SLC6A9: variants seen among roughly 807,000 people sequenced by gnomAD.
The protein encoded by SLC6A9 is solute carrier family 6 member 9.
In SLC6A9, 31 loss-of-function variants were observed where a neutral mutation model predicts 70.9. The ratio of observed to expected loss-of-function variants is 0.44; its 90% confidence interval spans 0.33 to 0.59. SLC6A9 has a LOEUF of 0.59. SLC6A9 is among the 20% of genes least tolerant of loss of function. SLC6A9 has a pLI of 0.04. For synonymous variants in SLC6A9, 310 were observed against 341.3 expected, an observed-to-expected ratio of 0.91 and a Z score of 1.01; for missense variants, 631 against 845.2, an observed-to-expected ratio of 0.75 and a Z score of 3.14.
chr1:44,024,812 T>A (rs1267230556), intron 1 of SLC6A9, among the ~76,000 whole-genome samples: 1 of 152,178 alleles, frequency 6.6e-6, no homozygotes, highest in Non-Finnish European at 1.5e-5. Flanking sequence ...CCAGGGCAGC[T>A]GGGTTTGTTG....
At position 44,002,184 on chromosome 1, in the gene SLC6A9, C is replaced by G. The variant is rs2086136707; in HGVS notation, c.962+129G>C. 1.5e-6 allele frequency: 1 copy of G among 680,896 alleles called. No individual in the cohort carries two copies. The highest frequency in any genetic ancestry group is 2.3e-5 in the Admixed American group (1 of 43,632). The allele number at this position is 680,896 out of a possible 1,614,324, so 42.2% of individuals were successfully genotyped here. A position where few individuals can be genotyped will look rare whatever the true frequency, so the allele number is the denominator to read the frequency against. On this transcript the variant is annotated intron_variant, in intron 8 of 13. Transcript: ENST00000372310. The surrounding 1 kb of genome is among the most constrained non-coding windows in gnomAD (Gnocchi z 5.5). ...ATTCTCCAACAACTTTATCCAGAACCAGTATTCCCAGAACCTCAAGATCAT... is the reference window on the plus strand; with the variant it reads ...ATTCTCCAACAACTTTATCCAGAACGAGTATTCCCAGAACCTCAAGATCAT...
chr1:44,030,395 G>T (rs1472702019), intron 1 of SLC6A9: 2 of 151,218 alleles, frequency 1.3e-5, no homozygotes, highest in African/African-American at 2.4e-5. Flanking sequence ...GGCCCCTCCC[G>T]GCCCTCCGGG....
intron 1 of SLC6A9, among the ~76,000 whole-genome samples, chr1:44,029,951 T>C (rs1433047871): frequency 6.6e-6 from 1 of 152,192 alleles, no homozygotes; most frequent in Non-Finnish European, 1.5e-5. Context: ...CAGCCTTTAT[T>C]TCCCAACGGC....
intron 2 of SLC6A9, 142 bp downstream of exon 2, chr1:44,024,106 A>T: frequency 1.2e-6 from 1 of 824,794 alleles, no homozygotes; most frequent in Non-Finnish European, 2.1e-6. Flanking sequence ...ATGAGGGGCT[A>T]CCTGCCCAGG....
In SLC6A9 at chr1:44,010,445, A is replaced by G. The variant is rs1040289336; in HGVS notation, c.187+281T>C. The stretch of plus-strand genomic sequence containing the variant: ...CTGAACCCCAGGGAATAGAACAGGG[A>G]GCCTTGTGGGCGGGGGGGGGGGGGG... On this transcript the variant is annotated intron_variant, in intron 3 of 13. Transcript: ENST00000372310. 98 of 204,794 alleles carry G rather than the reference A, an allele frequency of 4.8e-4. No homozygotes were observed. In the African/African-American group the frequency reaches 5.1e-3, roughly 11 times the overall value. The allele number at this position is 204,794 out of a possible 1,614,324, so 12.7% of individuals were successfully genotyped here. A position where few individuals can be genotyped will look rare whatever the true frequency, so the allele number is the denominator to read the frequency against.
chr1:44,010,982 C>T, intron 2 of SLC6A9, 100 bp from the exon 3 acceptor site: 3 of 1,281,390 alleles, frequency 2.3e-6, no homozygotes, highest in Non-Finnish European at 2.2e-6. Context: ...CCCTCCAACA[C>T]CCCTCCCCGG....
Position 43,996,779 on chromosome 1 carries a change from G to A in SLC6A9, c.*766C>T, listed in dbSNP as rs1006997897. On this transcript the variant is annotated 3_prime_UTR_variant, in exon 14 of 14. Transcript: ENST00000372310. ...AGCCTCATGGAGGGAGGGCAAGGGG[G>A]TGTCGTGCAGGGTCCCCTTCCCCAG... The A allele has an allele frequency of 6.5e-6, 1 of 153,020 alleles. No homozygotes were observed. 9.5% of individuals were successfully genotyped at this position (153,020 alleles called of 1,614,324 possible).
At chr1:44,008,707 TTTC>T in intron 4 of SLC6A9, 84 bp from the exon 5 acceptor site, 2 of 1,137,378 alleles carry the variant, frequency 1.8e-6, no homozygotes, top group Non-Finnish European at 1.2e-6. Context: ...TTTCTTTTCT[TTTC>T]TTTTTTTTTT....
intron 1 of SLC6A9, among the ~76,000 whole-genome samples, chr1:44,030,717 C>T (rs1465228008): frequency 6.6e-6 from 1 of 152,048 alleles, no homozygotes; most frequent in Admixed American, 6.5e-5. Context: ...TCCCGGGTCC[C>T]GCGGGCGCAC....
chr1:44,020,434 C>T (rs1313635677), intron 2 of SLC6A9, among the ~76,000 whole-genome samples: 1 of 152,208 alleles, frequency 6.6e-6, no homozygotes, highest in Admixed American at 6.5e-5. Context: ...CCAATGTGCG[C>T]CCAGCTCTGA....
At chr1:44,024,452 C>A in intron 1 of SLC6A9, 90 bp from the exon 2 acceptor site, 1 of 714,658 alleles carries the variant, frequency 1.4e-6, no homozygotes, top group Admixed American at 2.2e-5. Context: ...CCACCACCAG[C>A]CTGCCCAGGC....
At chr1:44,024,533 C>T (rs977170788) in intron 1 of SLC6A9, among the ~76,000 whole-genome samples, 171 bp from the exon 2 acceptor site, 5 of 152,246 alleles carry the variant, frequency 3.3e-5, no homozygotes, top group African/African-American at 1.2e-4. Context: ...TCCCAGTCCC[C>T]CCAACCTTTC....
At chr1:44,001,347 C>T (rs755631479) in intron 9 of SLC6A9, 43 bp downstream of exon 9, 6 of 1,613,332 alleles carry the variant, frequency 3.7e-6, no homozygotes, top group South Asian at 1.1e-5. Flanking sequence ...GTTCCTGTCC[C>T]CTCCCTTCCC....
intron 3 of SLC6A9, 170 bp from the exon 4 acceptor site, chr1:44,010,266 T>G: frequency 1.6e-6 from 1 of 617,434 alleles, no homozygotes; most frequent in Non-Finnish European, 2.8e-6. Context: ...CAGCCTGTCT[T>G]TCAACTTGAC....
At chr1:44,021,954 T>C (rs1303302583) in intron 2 of SLC6A9, among the ~76,000 whole-genome samples, 1 of 152,198 alleles carries the variant, frequency 6.6e-6, no homozygotes, top group African/African-American at 2.4e-5. Flanking sequence ...GAAGCAGGAA[T>C]AGAATCTCCA....
Position 44,008,482 on chromosome 1 carries a change from T to C in SLC6A9, c.461A>G (p.His154Arg), listed in dbSNP as rs201812410. Residue 154 changes from histidine (H) to arginine (R), a missense_variant, in exon 5 of 14, where the codon CAT becomes CGT. Physicochemically the swap from His to Arg is conservative, Grantham distance 29 (BLOSUM62 0). Transcript: ENST00000372310. ...WAYCNNPWNT[H>R]DCAGVLDASN... Reference sequence around the variant, plus strand: ...GGCGTCCAGTACACCGGCGCAGTCATGCGTGTTCCAGGGGTTATTGCAGTA... The same window carrying C: ...GGCGTCCAGTACACCGGCGCAGTCACGCGTGTTCCAGGGGTTATTGCAGTA... 37 of 1,614,184 alleles carry C rather than the reference T, an allele frequency of 2.3e-5. No individual in the cohort carries two copies. In the Admixed American group the frequency reaches 5.0e-4, roughly 22 times the overall value.
rs2086130677 is a variant in SLC6A9 at position 44,002,053 on chromosome 1, C to T, written c.962+260G>A. Among the ~76,000 whole-genome samples, 1 of 152,142 alleles carries T rather than the reference C, an allele frequency of 6.6e-6. No homozygotes were observed. Among genetic ancestry groups the T allele is most frequent in the Non-Finnish European group, 1.5e-5 (1 of 68,024 alleles). On this transcript the variant is annotated intron_variant, in intron 8 of 13. Coordinates refer to ENST00000372310, the MANE Select transcript of SLC6A9 (RefSeq NM_001024845.3). This position sits in a 1 kb window ranked among gnomAD's most constrained non-coding sequence, Gnocchi z 5.5. The stretch of plus-strand genomic sequence containing the variant: ...CCTGGCCCCCAACTCCTTTTCTGGT[C>T]TGTTCTGGGCATTTTTAAGGAGCCT...
Position 44,002,378 on chromosome 1 carries a change from C to T in SLC6A9, c.897G>A (p.Leu299=). 2 of 1,614,156 alleles carry T rather than the reference C, an allele frequency of 1.2e-6. No individual in the cohort carries two copies. Among genetic ancestry groups the T allele is most frequent in the Middle Eastern group, 1.6e-4 (1 of 6,062 alleles). The change falls in exon 8 of 14, where the codon CTG becomes CTA. Residue 299 remains leucine (L), a synonymous_variant. Transcript: ENST00000372310. The surrounding 1 kb of genome is among the most constrained non-coding windows in gnomAD (Gnocchi z 5.5). ...GDAASQIFYS[L]GCAWGGLITM... ...TGATGAGGCCTCCCCACGCGCAGCCCAGTGAGTAGAAGATCTGGGAGGCAG... is the reference window on the plus strand; with the variant it reads ...TGATGAGGCCTCCCCACGCGCAGCCTAGTGAGTAGAAGATCTGGGAGGCAG...
chr1:44,022,713 TC>T (rs61296933), intron 2 of SLC6A9, among the ~76,000 whole-genome samples: 1,234 of 86,196 alleles, frequency 0.014, 32 homozygotes, highest in African/African-American at 0.14. Flanking sequence ...TTTCTTTCTT[TC>T]TTTCTTTCTT....
Sources: allele counts gnomAD v4.1 joint callset (sites outside exome capture counted in the v4.1 genomes callset), GRCh38; gene constraint gnomAD v4.1.1; non-coding constraint Gnocchi (gnomAD v3.1); transcripts MANE v1.5; gene names NCBI Gene and HGNC (gene_info 2026-07-23, HGNC 2026-07-21).